The following CNTN5 variants were observed in gnomAD, a reference collection of about 807,000 sequenced individuals.
CNTN5 encodes contactin 5.
CNTN5 carries 77 observed loss-of-function variants against 129.1 expected under a neutral mutation model. The ratio of observed to expected loss-of-function variants is 0.60; its 90% CI spans 0.50 to 0.72. The LOEUF (loss-of-function observed/expected upper bound fraction) is 0.72, where lower values mean the gene tolerates loss of function less well. Among genes scored for constraint, CNTN5 ranks in the 30% least tolerant of loss-of-function variants. The pLI is 0.00. For synonymous variants in CNTN5, 509 were observed against 465.6 expected (o/e 1.09, Z -1.20); for missense variants, 1,478 against 1,328.8 (o/e 1.11, Z -1.75).
chr11:100,340,964 A>T, intron 22 of CNTN5, 129 bp from the exon 23 acceptor site: 1 of 706,166 alleles, frequency 1.4e-6, no homozygotes, highest in Non-Finnish European at 2.4e-6. Flanking sequence ...ATCTGACTCC[A>T]GCTGGAAGGA....
At chr11:99,923,678 T>G (rs1360126142) in intron 7 of CNTN5, among the ~76,000 whole-genome samples, 1 of 152,158 alleles carries the variant, frequency 6.6e-6, no homozygotes, top group Non-Finnish European at 1.5e-5. Flanking sequence ...TGAGCTAATT[T>G]GCATTCCCAT....
intron 2 of CNTN5, among the ~76,000 whole-genome samples, chr11:99,460,755 A>G (rs1438026088): frequency 6.6e-6 from 1 of 152,024 alleles, no homozygotes; most frequent in Non-Finnish European, 1.5e-5. Flanking sequence ...AAAGAGGGAA[A>G]AGTCGAATTC....
intron 2 of CNTN5, among the ~76,000 whole-genome samples, chr11:99,426,038 C>A (rs1943104894): frequency 6.6e-6 from 1 of 152,152 alleles, no homozygotes; most frequent in Non-Finnish European, 1.5e-5. Flanking sequence ...ATCACAGGAA[C>A]CTCATACAAT....
chr11:100,186,885 G>C (rs1293324869), intron 13 of CNTN5, among the ~76,000 whole-genome samples: 5 of 152,076 alleles, frequency 3.3e-5, no homozygotes, highest in African/African-American at 1.2e-4. Context: ...GCAATAACCA[G>C]ACATTGTAAT....
At chr11:99,756,689 CTT>C (rs1944414222) in intron 3 of CNTN5, among the ~76,000 whole-genome samples, 1 of 151,996 alleles carries the variant, frequency 6.6e-6, no homozygotes, top group South Asian at 2.1e-4. Flanking sequence ...GTTATTTAAA[CTT>C]TACAATTTTG....
intron 20 of CNTN5, among the ~76,000 whole-genome samples, chr11:100,300,961 A>G (rs1951205295): frequency 6.6e-6 from 1 of 151,618 alleles, no homozygotes; most frequent in Non-Finnish European, 1.5e-5. Context: ...TAACATGCTC[A>G]AATTCACACC....
chr11:99,143,551 C>G (rs1426816547), intron 1 of CNTN5, among the ~76,000 whole-genome samples: 1 of 151,914 alleles, frequency 6.6e-6, no homozygotes, highest in Non-Finnish European at 1.5e-5. Flanking sequence ...GGCTCCCTTC[C>G]TTCTTTCCTT....
intron 9 of CNTN5, 108 bp downstream of exon 9, chr11:100,002,244 G>C (rs1010810547): frequency 1.6e-6 from 1 of 640,636 alleles, no homozygotes; most frequent in Non-Finnish European, 2.5e-6. Context: ...GTTGTTCCAT[G>C]GTGGCTATTT....
intron 1 of CNTN5, among the ~76,000 whole-genome samples, chr11:99,055,008 G>A (rs943184082): frequency 6.6e-5 from 10 of 151,800 alleles, no homozygotes; most frequent in African/African-American, 2.2e-4. Context: ...ACTTTAAATC[G>A]TAATTACCTA....
chr11:99,716,677 A>G (rs1955249461), intron 3 of CNTN5, among the ~76,000 whole-genome samples: 1 of 152,074 alleles, frequency 6.6e-6, no homozygotes, highest in Admixed American at 6.6e-5. Context: ...CAGAATTAAT[A>G]TTGCAACCAG....
intron 2 of CNTN5, among the ~76,000 whole-genome samples, chr11:99,515,392 C>A (rs761412690): frequency 6.6e-6 from 1 of 151,984 alleles, no homozygotes; most frequent in Non-Finnish European, 1.5e-5. Flanking sequence ...GAAATACTAG[C>A]TATGGGATTC....
In CNTN5 at chr11:99,257,086, T is replaced by C. The variant is rs529040429; in HGVS notation, c.-209-68260T>C. ...GGTCTGCATTTTTCTCAGGGTCTGT[T>C]ACATGTGTTAGAGAAGGTGCACATG... On this transcript the variant is annotated intron_variant, in intron 1 of 24. Coordinates refer to ENST00000524871, the MANE Select transcript of CNTN5 (RefSeq NM_014361.4). 4.6e-5 allele frequency among the ~76,000 whole-genome samples: 7 copies of C among 152,242 alleles called. No individual in the cohort carries two copies. In the South Asian group the frequency reaches 1.5e-3, roughly 32 times the overall value.
intron 2 of CNTN5, among the ~76,000 whole-genome samples, chr11:99,466,086 G>A (rs1469070050): frequency 3.3e-5 from 5 of 152,022 alleles, no homozygotes; most frequent in African/African-American, 7.2e-5. Flanking sequence ...GTTTCACCGT[G>A]TTAGCCAGGA....
In CNTN5 at chr11:99,804,501, T is replaced by C. The variant is rs138526986; in HGVS notation, c.56-15043T>C. On this transcript the variant is annotated intron_variant, in intron 3 of 24. Coordinates refer to ENST00000524871, the MANE Select transcript of CNTN5 (RefSeq NM_014361.4). ...AATTCTATTAGTTCACCTAAAGCCA[T>C]GAGTCTACAATACGGTATAATTTTT... Among the ~76,000 whole-genome samples the C allele has an allele frequency of 1.3e-4, 20 of 151,588 alleles. No homozygotes were observed. The East Asian group carries it at 3.9e-3, about 29-fold the overall frequency.
intron 21 of CNTN5, among the ~76,000 whole-genome samples, chr11:100,327,053 C>G (rs372517056): frequency 6.6e-6 from 1 of 152,218 alleles, no homozygotes; most frequent in East Asian, 1.9e-4. Flanking sequence ...CAAAAGGAAG[C>G]CTTTTTAACA....
At chr11:99,477,813 T>C (rs79573522) in intron 2 of CNTN5, among the ~76,000 whole-genome samples, 3,116 of 151,798 alleles carry the variant, frequency 0.021, 114 homozygotes, top group African/African-American at 0.07. Context: ...TTATTTCCTT[T>C]AAAAAAATAA....
intron 6 of CNTN5, among the ~76,000 whole-genome samples, chr11:99,903,784 A>G (rs1949420881): frequency 6.6e-6 from 1 of 152,222 alleles, no homozygotes; most frequent in Admixed American, 6.5e-5. Flanking sequence ...CAAAGGATTA[A>G]TATCCAGAAT....
chr11:100,295,260 C>T (rs540216965), intron 18 of CNTN5, among the ~76,000 whole-genome samples: 1 of 151,412 alleles, frequency 6.6e-6, no homozygotes, highest in African/African-American at 2.4e-5. Context: ...GTAAGAAAAC[C>T]TCACGGAGCT....
intron 3 of CNTN5, among the ~76,000 whole-genome samples, chr11:99,748,164 C>G (rs1474342314): frequency 6.6e-6 from 1 of 151,992 alleles, no homozygotes; most frequent in East Asian, 1.9e-4. Flanking sequence ...ATATATTGCC[C>G]TATGCTTCTC....
Sources: allele counts gnomAD v4.1 joint callset (sites outside exome capture counted in the v4.1 genomes callset), GRCh38; gene constraint gnomAD v4.1.1; transcripts MANE v1.5; gene names NCBI Gene and HGNC (gene_info 2026-07-23, HGNC 2026-07-21).